MCCC2: variants seen among roughly 807,000 people sequenced by gnomAD.
MCCC2 encodes methylcrotonoyl-CoA carboxylase beta chain, mitochondrial.
MCCC2 carries 52 observed loss-of-function variants against 77.2 expected under a neutral mutation model. That is an observed-to-expected ratio of 0.67 (90% confidence interval 0.54 to 0.85). The LOEUF (loss-of-function observed/expected upper bound fraction) is 0.85. Among genes scored for constraint, MCCC2 ranks in the 40% least tolerant of loss-of-function variants. The probability of loss-of-function intolerance (pLI) is 0.00; values close to 1 mark genes in which losing one functional copy is unlikely to be tolerated. For missense variants in MCCC2, 682 were observed against 703.2 expected (o/e 0.97, Z 0.34); for synonymous variants, 253 against 248.4 (o/e 1.02, Z -0.18).
intron 6 of MCCC2, among the ~76,000 whole-genome samples, chr5:71,612,237 C>T (rs532972244): frequency 6.6e-6 from 1 of 152,288 alleles, no homozygotes; most frequent in South Asian, 2.1e-4. Context: ...ATTTATAATA[C>T]AGATGCTGCT....
At chr5:71,633,216 G>T (rs1746802915) in intron 8 of MCCC2, among the ~76,000 whole-genome samples, 1 of 148,844 alleles carries the variant, frequency 6.7e-6, no homozygotes, top group Non-Finnish European at 1.5e-5. Flanking sequence ...CTCCTGCCTT[G>T]CCCTTCCGAA....
chr5:71,651,038 C>A (rs947498671), intron 15 of MCCC2, among the ~76,000 whole-genome samples: 7 of 151,056 alleles, frequency 4.6e-5, no homozygotes, highest in African/African-American at 1.7e-4. Context: ...GCCCACCTCC[C>A]AAAGTGCTGG....
chr5:71,609,209 C>T (rs917556302), intron 6 of MCCC2, among the ~76,000 whole-genome samples: 1 of 147,560 alleles, frequency 6.8e-6, no homozygotes, highest in Admixed American at 6.9e-5. Context: ...GTACACCAAT[C>T]AGACGTAGAT....
Position 71,656,979 on chromosome 5 carries a change from T to C in MCCC2, c.*119T>C. On this transcript the variant is annotated 3_prime_UTR_variant, in exon 17 of 17. Coordinates refer to ENST00000340941, the MANE Select transcript of MCCC2 (RefSeq NM_022132.5). Reference sequence around the variant, plus strand: ...CAGTAATTTTTTTAACACTGTGCATTGTACTTTTCTACCTTAAAAAAATCA... The same window carrying C: ...CAGTAATTTTTTTAACACTGTGCATCGTACTTTTCTACCTTAAAAAAATCA... The C allele has an allele frequency of 1.3e-6, 1 of 742,368 alleles. No individual in the cohort carries two copies. The highest frequency in any genetic ancestry group is 2.4e-6 in the Non-Finnish European group (1 of 418,368). The allele number at this position is 742,368 out of a possible 1,614,324, so 46.0% of individuals were successfully genotyped here.
intron 10 of MCCC2, 67 bp downstream of exon 10, chr5:71,635,313 C>A: frequency 7.1e-7 from 1 of 1,403,666 alleles, no homozygotes; most frequent in Non-Finnish European, 1.0e-6. Context: ...TATCTATTTG[C>A]AAAGCTAAAG....
At chr5:71,654,071 C>A (rs1747516813) in intron 16 of MCCC2, among the ~76,000 whole-genome samples, 1 of 152,132 alleles carries the variant, frequency 6.6e-6, no homozygotes, top group Admixed American at 6.5e-5. Context: ...GATCTCAGCT[C>A]ACTGCAATCT....
At chr5:71,618,372 T>G (rs1209632581) in intron 6 of MCCC2, among the ~76,000 whole-genome samples, 1 of 152,240 alleles carries the variant, frequency 6.6e-6, no homozygotes, top group Non-Finnish European at 1.5e-5. Flanking sequence ...CACCTTCTGC[T>G]GTTCCACCAT....
Position 71,656,883 on chromosome 5 carries a change from T to C in MCCC2, c.*23T>C, listed in dbSNP as rs757569630. 4.5e-6 allele frequency: 7 copies of C among 1,569,648 alleles called. No homozygotes were observed. In the African/African-American group the frequency reaches 6.8e-5, roughly 15 times the overall value. ...TAACTGGAATAAAGGATGTTTTCTG[T>C]TGGACATGTACTGAAAATTAACACA... On this transcript the variant is annotated 3_prime_UTR_variant, in exon 17 of 17. Coordinates refer to ENST00000340941, the MANE Select transcript of MCCC2 (RefSeq NM_022132.5).
chr5:71,588,114 C>T (rs1396778689), intron 1 of MCCC2, among the ~76,000 whole-genome samples: 1 of 151,652 alleles, frequency 6.6e-6, no homozygotes, highest in African/African-American at 2.4e-5. Context: ...ACTAAGAATA[C>T]AAAAATTAGC....
intron 4 of MCCC2, 89 bp from the exon 5 acceptor site, chr5:71,602,417 A>G: frequency 6.5e-7 from 1 of 1,533,146 alleles, no homozygotes; most frequent in South Asian, 1.1e-5. Flanking sequence ...CTAGAAGTTG[A>G]AGGTTGTATT....
chr5:71,605,675 A>G lies in MCCC2; in HGVS notation c.624+1207A>G, dbSNP rs532854160. 2.2e-3 allele frequency among the ~76,000 whole-genome samples: 339 copies of G among 151,772 alleles called. 2 individuals are homozygous for G. Among genetic ancestry groups the G allele is most frequent in the African/African-American group, 7.9e-3 (325 of 41,358 alleles). The stretch of plus-strand genomic sequence containing the variant: ...GCCCATGCCTATGTCCTGAATGGTA[A>G]TGCCTAGGTTTTCTTCTAGGGTTTT... On this transcript the variant is annotated intron_variant, in intron 6 of 16. Transcript: ENST00000340941.
chr5:71,622,278 A>C (rs1746376292), intron 6 of MCCC2, among the ~76,000 whole-genome samples: 2 of 151,852 alleles, frequency 1.3e-5, no homozygotes, highest in East Asian at 3.9e-4. Context: ...ACTAAAAAAA[A>C]AACAAAACAA....
chr5:71,612,903 G>T (rs1746012996), intron 6 of MCCC2, among the ~76,000 whole-genome samples: 1 of 152,214 alleles, frequency 6.6e-6, no homozygotes, highest in Non-Finnish European at 1.5e-5. Context: ...ATTCTGTGAA[G>T]TTCTGGAAGC....
chr5:71,656,577 C>T (rs1747585311), intron 16 of MCCC2, among the ~76,000 whole-genome samples, 166 bp from the exon 17 acceptor site: 1 of 152,148 alleles, frequency 6.6e-6, no homozygotes, highest in Admixed American at 6.6e-5. Context: ...CGTTTTCCCC[C>T]TCTGTCTTGA....
intron 6 of MCCC2, among the ~76,000 whole-genome samples, chr5:71,614,029 T>TACACAC (rs35292468): frequency 0.063 from 9,303 of 148,334 alleles, 304 homozygotes; most frequent in South Asian, 0.081. Context: ...ACGTATATAA[T>TACACAC]ACACACACAC....
chr5:71,613,521 C>T (rs147377411), intron 6 of MCCC2, among the ~76,000 whole-genome samples: 4,482 of 152,168 alleles, frequency 0.029, 98 homozygotes, highest in South Asian at 0.079. Context: ...TAGGGCTGGG[C>T]GTGGTGGCTC....
rs543943049 is a variant in MCCC2 at position 71,644,002 on chromosome 5, C to T, written c.1149+107C>T. Reference sequence around the variant, plus strand: ...TTGCATAAAAATGCTTAACTAGATGCCTCAGCAACCAGAACACTGTGTGCG... The same window carrying T: ...TTGCATAAAAATGCTTAACTAGATGTCTCAGCAACCAGAACACTGTGTGCG... On this transcript the variant is annotated intron_variant, in intron 12 of 16. Coordinates refer to ENST00000340941, the MANE Select transcript of MCCC2 (RefSeq NM_022132.5). 8.1e-5 allele frequency: 107 copies of T among 1,323,986 alleles called. 1 individual carries two copies. The East Asian group carries it at 2.7e-3, about 33-fold the overall frequency. 82.0% of individuals were successfully genotyped at this position (1,323,986 alleles called of 1,614,324 possible).
intron 6 of MCCC2, among the ~76,000 whole-genome samples, chr5:71,610,494 T>C (rs1745891403): frequency 6.6e-6 from 1 of 152,164 alleles, no homozygotes; most frequent in Admixed American, 6.5e-5. Flanking sequence ...ATGAACCCAG[T>C]ACCTCAGATG....
intron 6 of MCCC2, among the ~76,000 whole-genome samples, chr5:71,618,885 T>A (rs914696171): frequency 7.2e-5 from 11 of 152,224 alleles, no homozygotes; most frequent in Non-Finnish European, 1.3e-4. Context: ...GATAGTCTAG[T>A]TTGCTGTAGA....
Sources: allele counts gnomAD v4.1 joint callset (sites outside exome capture counted in the v4.1 genomes callset), GRCh38; gene constraint gnomAD v4.1.1; transcripts MANE v1.5; gene names NCBI Gene and HGNC (gene_info 2026-07-23, HGNC 2026-07-21).